The following RGS6 variants were observed in gnomAD, a reference collection of about 807,000 sequenced individuals.
RGS6 encodes the protein regulator of G-protein signaling 6.
In RGS6, 30 loss-of-function variants were observed where a neutral mutation model predicts 78.5. The ratio of observed to expected loss-of-function variants is 0.38; its 90% CI spans 0.29 to 0.52. The LOEUF is 0.52. Among genes scored for constraint, RGS6 ranks in the 20% least tolerant of loss-of-function variants. The pLI is 0.85. For synonymous variants in RGS6, 206 were observed against 206.0 expected (o/e 1.00, Z 0.00); for missense variants, 495 against 609.7 (o/e 0.81, Z 1.98).
chr14:72,088,736 C>T (rs140414611), intron 2 of RGS6, among the ~76,000 whole-genome samples: 1 of 152,088 alleles, frequency 6.6e-6, no homozygotes, highest in African/African-American at 2.4e-5. Context: ...ACTTTTTATC[C>T]TGCAGTAGGG....
At chr14:72,098,775 T>G (rs1038343265) in intron 2 of RGS6, among the ~76,000 whole-genome samples, 2 of 152,152 alleles carry the variant, frequency 1.3e-5, no homozygotes, top group Non-Finnish European at 2.9e-5. Context: ...TCCTGTAAAA[T>G]GGTACTGCAT....
rs17768792 is a variant in RGS6 at position 72,126,525 on chromosome 14, C to T, written c.84+161650C>T. On this transcript the variant is annotated intron_variant, in intron 2 of 17. Transcript: ENST00000553525. ...TAGAGCCGTTGGTTAAGTGGTGGTG[C>T]TCATTTTCCATGCCCTGCTGGCTAG... Among the ~76,000 whole-genome samples, 1,339 of 152,380 alleles carry T rather than the reference C, an allele frequency of 8.8e-3. 9 individuals carry two copies. Among genetic ancestry groups the T allele is most frequent in the Non-Finnish European group, 0.013 (905 of 68,046 alleles).
the RGS6 span, among the ~76,000 whole-genome samples, chr14:72,596,922 C>T: frequency 0.42 from 64,196 of 152,014 alleles, 14,629 homozygotes; most frequent in East Asian, 0.76. Flanking sequence ...ATCTGTAAAA[C>T]GGGTAGAATA....
intron 3 of RGS6, among the ~76,000 whole-genome samples, chr14:72,441,722 AGAG>A (rs1251131426): frequency 1.4e-4 from 22 of 152,204 alleles, no homozygotes; most frequent in African/African-American, 4.8e-4. Flanking sequence ...AGGCCCCTGA[AGAG>A]GAGTGAGTTG....
At chr14:72,146,249 T>C (rs945711673) in intron 2 of RGS6, among the ~76,000 whole-genome samples, 7 of 152,196 alleles carry the variant, frequency 4.6e-5, no homozygotes. Flanking sequence ...CCTAACCACC[T>C]CTAAGTTCTA....
intron 3 of RGS6, among the ~76,000 whole-genome samples, chr14:72,371,290 A>G (rs2083453974): frequency 6.6e-6 from 1 of 151,822 alleles, no homozygotes; most frequent in Non-Finnish European, 1.5e-5. Flanking sequence ...TTAAAATCTT[A>G]CTCTAAATGT....
chr14:72,441,575 C>T (rs2095203310), intron 3 of RGS6, among the ~76,000 whole-genome samples: 1 of 152,258 alleles, frequency 6.6e-6, no homozygotes, highest in Non-Finnish European at 1.5e-5. Flanking sequence ...CTCGCCAGCC[C>T]TCAGCAGGGC....
chr14:72,000,423 G>T (rs1047367531), intron 2 of RGS6, among the ~76,000 whole-genome samples: 2 of 152,084 alleles, frequency 1.3e-5, no homozygotes, highest in Non-Finnish European at 2.9e-5. Context: ...TGGATATGAG[G>T]TGCTGAGGGG....
intron 17 of RGS6, chr14:72,550,734 C>T (rs1599042476): frequency 1.8e-6 from 2 of 1,093,612 alleles, no homozygotes; most frequent in African/African-American, 3.2e-5. Context: ...GGTTTTACAC[C>T]TGATGGAGGT....
At chr14:72,290,679 C>T (rs368609489) in intron 2 of RGS6, among the ~76,000 whole-genome samples, 3 of 152,246 alleles carry the variant, frequency 2.0e-5, no homozygotes, top group East Asian at 1.9e-4. Context: ...AGAAACTAGG[C>T]ATATAGTGGA....
intron 3 of RGS6, among the ~76,000 whole-genome samples, chr14:72,452,224 TTCTCTC>T (rs56308165): frequency 0.068 from 10,014 of 148,010 alleles, 620 homozygotes; most frequent in African/African-American, 0.15. Context: ...CACATATTCA[TTCTCTC>T]TCTCTCTCTC....
intron 2 of RGS6, among the ~76,000 whole-genome samples, chr14:71,982,011 G>A (rs1456102031): frequency 2.6e-5 from 4 of 152,120 alleles, no homozygotes; most frequent in Admixed American, 6.5e-5. Context: ...TAAGCCCGTC[G>A]GAAAAGCGCA....
At chr14:72,469,405 C>T (rs376210910) in intron 7 of RGS6, among the ~76,000 whole-genome samples, 1 of 152,164 alleles carries the variant, frequency 6.6e-6, no homozygotes, top group South Asian at 2.1e-4. Flanking sequence ...TGGGGTTTCA[C>T]CCTGTTGACC....
At chr14:72,161,928 A>C (rs906984970) in intron 2 of RGS6, among the ~76,000 whole-genome samples, 3 of 152,244 alleles carry the variant, frequency 2.0e-5, no homozygotes, top group Admixed American at 1.3e-4. Flanking sequence ...AGAGGAGTCT[A>C]TCCAGGGTAT....
intron 2 of RGS6, among the ~76,000 whole-genome samples, chr14:72,268,500 C>G (rs1319649809): frequency 6.6e-6 from 1 of 152,204 alleles, no homozygotes. Context: ...GAGGATTTTC[C>G]TCACTTCCTC....
At chr14:72,360,543 C>CAA (rs2081244584) in intron 3 of RGS6, among the ~76,000 whole-genome samples, 1 of 150,918 alleles carries the variant, frequency 6.6e-6, no homozygotes, top group East Asian at 1.9e-4. Flanking sequence ...CAAAACAAAA[C>CAA]AAAAAAGGAA....
chr14:71,898,123 A>C, the RGS6 span, among the ~76,000 whole-genome samples: 1 of 152,060 alleles, frequency 6.6e-6, no homozygotes, highest in Admixed American at 6.6e-5. Context: ...ACATACTTTT[A>C]TTGTGGTGAG....
At chr14:72,626,479 G>A in the RGS6 span, among the ~76,000 whole-genome samples, 2 of 151,916 alleles carry the variant, frequency 1.3e-5, no homozygotes, top group Non-Finnish European at 2.9e-5. Flanking sequence ...ATATATTCTG[G>A]AAATCACTCC....
chr14:72,003,174 C>A (rs190571830), intron 2 of RGS6, among the ~76,000 whole-genome samples: 45 of 152,222 alleles, frequency 3.0e-4, no homozygotes, highest in African/African-American at 1.1e-3. Flanking sequence ...AGTAGAGCTG[C>A]GGCTACTATT....
Sources: gnomAD v4.1 joint callset for allele counts (sites outside exome capture counted in the v4.1 genomes callset) on GRCh38, gnomAD v4.1.1 for gene constraint, MANE v1.5 for transcripts, NCBI Gene and HGNC (gene_info 2026-07-23, HGNC 2026-07-21) for gene names.